CHST9: variants seen among roughly 807,000 people sequenced by gnomAD.
The protein encoded by CHST9 is carbohydrate sulfotransferase 9.
CHST9 carries 41 observed loss-of-function variants against 44.4 expected under a neutral mutation model. That is an observed-to-expected ratio of 0.92 (90% CI 0.72 to 1.20). The LOEUF (loss-of-function observed/expected upper bound fraction) is 1.20. Ranked by LOEUF, CHST9 falls within the 50% of genes most tolerant of loss-of-function variation. The pLI is 0.00. For synonymous variants in CHST9, 171 were observed against 178.4 expected, an observed-to-expected ratio of 0.96 and a Z score of 0.33; for missense variants, 504 against 516.5, an observed-to-expected ratio of 0.98 and a Z score of 0.23.
Position 26,915,231 on chromosome 18 carries a change from T to A in CHST9, c.*1028A>T, listed in dbSNP as rs904849077. On this transcript the variant is annotated 3_prime_UTR_variant, in exon 6 of 6. Transcript: ENST00000618847. ...TGTTTATTCTCTAGAACATAACCTA[T>A]CTTTGAAGTGGTATATTAGTTTTTA... The A allele has an allele frequency of 2.2e-5, 8 of 361,118 alleles. No individual in the cohort carries two copies. Among genetic ancestry groups the A allele is most frequent in the Admixed American group, 1.8e-4 (4 of 21,670 alleles). The allele number at this position is 361,118 out of a possible 1,614,324, so 22.4% of individuals were successfully genotyped here.
At chr18:27,176,513 T>C (rs1192205390) in intron 1 of CHST9, among the ~76,000 whole-genome samples, 3 of 151,968 alleles carry the variant, frequency 2.0e-5, no homozygotes, top group Admixed American at 6.6e-5. Flanking sequence ...GATTGGACTA[T>C]GGGAACCCTG....
intron 4 of CHST9, among the ~76,000 whole-genome samples, chr18:26,958,347 T>C (rs1171723632): frequency 6.6e-6 from 1 of 151,406 alleles, no homozygotes; most frequent in Non-Finnish European, 1.5e-5. Context: ...TGAGGAGTAA[T>C]GAAAATTCCC....
intron 3 of CHST9, among the ~76,000 whole-genome samples, chr18:27,030,639 C>A (rs2057330555): frequency 6.6e-6 from 1 of 152,226 alleles, no homozygotes; most frequent in Admixed American, 6.5e-5. Context: ...ATGTGCCAGA[C>A]CCCCTGTGCA....
chr18:27,094,753 TACAACCCCAAATGTATAATTCAGCACA>T, intron 2 of CHST9, among the ~76,000 whole-genome samples: 1 of 152,186 alleles, frequency 6.6e-6, no homozygotes, highest in East Asian at 1.9e-4. Flanking sequence ...AAGTTCAAAC[TACAACCCCAAATGTATAATTCAGCACA>T]ATGTGGCTCT....
At chr18:27,169,257 T>C (rs2058814960) in intron 1 of CHST9, among the ~76,000 whole-genome samples, 1 of 152,164 alleles carries the variant, frequency 6.6e-6, no homozygotes, top group African/African-American at 2.4e-5. Context: ...AATAGAAAAC[T>C]AATACAAGAG....
intron 1 of CHST9, among the ~76,000 whole-genome samples, chr18:27,153,546 C>CTCTCTGTG (rs1555628608): frequency 7.2e-6 from 1 of 138,504 alleles, no homozygotes; most frequent in Admixed American, 7.5e-5. Flanking sequence ...CTCTCTCTCT[C>CTCTCTGTG]TGTGTGTGTG....
chr18:26,971,933 C>T (rs373971618), intron 4 of CHST9, among the ~76,000 whole-genome samples: 107 of 151,982 alleles, frequency 7.0e-4, no homozygotes, highest in Middle Eastern at 3.4e-3. Flanking sequence ...GTAATAGACA[C>T]GATAGGTAAG....
intron 4 of CHST9, among the ~76,000 whole-genome samples, chr18:26,987,894 C>A (rs1487803271): frequency 6.6e-6 from 1 of 152,128 alleles, no homozygotes; most frequent in African/African-American, 2.4e-5. Flanking sequence ...CCATGCTCAA[C>A]CTGATACTGG....
intron 2 of CHST9, among the ~76,000 whole-genome samples, chr18:27,106,162 T>C (rs1470859458): frequency 6.6e-6 from 1 of 152,162 alleles, no homozygotes; most frequent in Non-Finnish European, 1.5e-5. Context: ...CAGTCAGACA[T>C]TATTCTTAGT....
intron 4 of CHST9, 147 bp downstream of exon 4, chr18:27,023,969 T>A: frequency 1.4e-6 from 1 of 721,852 alleles, no homozygotes; most frequent in Non-Finnish European, 2.3e-6. Context: ...ACTCCAAAAA[T>A]GCCACCTAGG....
At chr18:27,107,124 A>ATT (rs1259529642) in intron 2 of CHST9, among the ~76,000 whole-genome samples, 4 of 152,150 alleles carry the variant, frequency 2.6e-5, no homozygotes, top group Non-Finnish European at 5.9e-5. Flanking sequence ...GGAGTATATG[A>ATT]TTATGTGGAA....
rs188755099 is a variant in CHST9 at position 26,960,661 on chromosome 18, G to A, written c.203-16295C>T. Among the ~76,000 whole-genome samples, 4 of 152,278 alleles carry A rather than the reference G, an allele frequency of 2.6e-5. No homozygotes were observed. The East Asian group carries it at 7.7e-4, about 29-fold the overall frequency. ...TCAAGGTCATTGCCAAGGTCTGATT[G>A]CAAAAATTCAAAAAATTGCAACCTC... On this transcript the variant is annotated intron_variant, in intron 4 of 5. Coordinates refer to ENST00000618847, the MANE Select transcript of CHST9 (RefSeq NM_031422.6).
intron 5 of CHST9, among the ~76,000 whole-genome samples, chr18:26,939,051 TG>T (rs2056043033): frequency 2.0e-5 from 3 of 152,198 alleles, no homozygotes; most frequent in Admixed American, 2.0e-4. Context: ...GGCCCAACGT[TG>T]GACATGGAAA....
chr18:26,996,351 C>T (rs1001222262), intron 4 of CHST9, among the ~76,000 whole-genome samples: 11 of 152,218 alleles, frequency 7.2e-5, no homozygotes, highest in African/African-American at 2.6e-4. Context: ...TAACCCTCAA[C>T]GTTGGAGGTG....
intron 4 of CHST9, among the ~76,000 whole-genome samples, chr18:26,987,669 CA>C (rs1366822985): frequency 1.3e-5 from 2 of 152,136 alleles, no homozygotes; most frequent in Non-Finnish European, 2.9e-5. Context: ...CCATCTCCTG[CA>C]AACTCATATG....
chr18:27,116,951 C>T (rs953524288), intron 2 of CHST9, among the ~76,000 whole-genome samples: 15 of 151,852 alleles, frequency 9.9e-5, no homozygotes, highest in African/African-American at 3.4e-4. Context: ...TTGTATCCTG[C>T]CACCTCATTG....
At chr18:27,089,810 C>CCT (rs2143710511) in intron 2 of CHST9, among the ~76,000 whole-genome samples, 1 of 124,708 alleles carries the variant, frequency 8.0e-6, no homozygotes, top group African/African-American at 3.1e-5. Context: ...TGTTTCCTGA[C>CCT]TTTTTTTTTT....
chr18:27,121,810 G>A (rs372140668), intron 2 of CHST9, among the ~76,000 whole-genome samples: 1 of 152,238 alleles, frequency 6.6e-6, no homozygotes, highest in Admixed American at 6.5e-5. Flanking sequence ...TTCCAGGGGC[G>A]ATACTGAGAA....
chr18:26,955,803 G>C lies in CHST9; in HGVS notation c.203-11437C>G, dbSNP rs996213162. ...ACTCAGGAAAGAAGGCAGGAGCTCA[G>C]CTGCTGGGGGCCTGAAGGGTAAAGC... On this transcript the variant is annotated intron_variant, in intron 4 of 5. Transcript: ENST00000618847. Among the ~76,000 whole-genome samples, 5 of 152,284 alleles carry C rather than the reference G, an allele frequency of 3.3e-5. No homozygotes were observed. In the South Asian group the frequency reaches 1.0e-3, roughly 32 times the overall value.
Sources: allele counts gnomAD v4.1 joint callset (sites outside exome capture counted in the v4.1 genomes callset), GRCh38; gene constraint gnomAD v4.1.1; transcripts MANE v1.5; gene names NCBI Gene and HGNC (gene_info 2026-07-23, HGNC 2026-07-21).